The following MCTP2 variants were observed in gnomAD, a reference collection of about 807,000 sequenced individuals.
The protein encoded by MCTP2 is multiple C2 and transmembrane domain containing 2.
MCTP2 carries 132 observed loss-of-function variants against 111.6 expected under a neutral mutation model. That is an observed-to-expected ratio of 1.18 (90% CI 1.03 to 1.37). The LOEUF is 1.37. Ranked by LOEUF, MCTP2 falls within the 40% of genes most tolerant of loss-of-function variation. The pLI, the probability that MCTP2 is intolerant of heterozygous loss-of-function variation, is 0.00. For missense variants in MCTP2, 1,183 were observed against 1,067.9 expected (o/e 1.11, Z -1.50); for synonymous variants, 395 against 387.7 (o/e 1.02, Z -0.22).
rs1168641689 is a variant in MCTP2, at chr15:94,244,642, A to T, written c.-66+12978A>T. ...TACACATACATATGCACCTATGTTT[A>T]TAAACGTATATGTATACACATACAT... On this transcript the variant is annotated intron_variant, in intron 1 of 22. Coordinates refer to ENST00000357742, the MANE Select transcript of MCTP2 (RefSeq NM_001385001.1). Among the ~76,000 whole-genome samples, 4 of 148,104 alleles carry T rather than the reference A, an allele frequency of 2.7e-5. 1 individual carries two copies. Among genetic ancestry groups the T allele is most frequent in the Non-Finnish European group, 4.5e-5 (3 of 67,078 alleles).
intron 14 of MCTP2, among the ~76,000 whole-genome samples, chr15:94,387,971 T>C (rs1207966052): frequency 6.6e-6 from 1 of 152,094 alleles, no homozygotes; most frequent in African/African-American, 2.4e-5. Flanking sequence ...ATTCCAGCAA[T>C]GGCCGGGCAG....
intron 1 of MCTP2, among the ~76,000 whole-genome samples, chr15:94,242,900 T>C (rs767380250): frequency 1.3e-5 from 2 of 148,434 alleles, no homozygotes; most frequent in African/African-American, 2.5e-5. Flanking sequence ...TATATGTATA[T>C]ATATGTATAC....
intron 19 of MCTP2, among the ~76,000 whole-genome samples, chr15:94,456,315 G>A (rs1445240505): frequency 1.3e-5 from 2 of 152,122 alleles, no homozygotes; most frequent in East Asian, 3.9e-4. Flanking sequence ...CTATTTGGGT[G>A]TTTCACAGGG....
rs767710235 is a variant in MCTP2, at chr15:94,442,931, A to G, written c.2221A>G (p.Ile741Val). ...GATTTCCTTTCAGGAGAGCACAGAC[A>G]TAGATGACGAGGAGGATGAAGATGA... Reference protein sequence around the residue: ...SIQDSQESTDIDDEEDEDDKE... With the variant: ...SIQDSQESTDVDDEEDEDDKE... Residue 741 changes from isoleucine (I) to valine (V), a missense_variant, in exon 19 of 23, where the codon ATA becomes GTA. By Grantham distance (29) the Ile-to-Val change is conservative. Coordinates refer to ENST00000357742, the MANE Select transcript of MCTP2 (RefSeq NM_001385001.1). 1.2e-5 allele frequency: 20 copies of G among 1,613,576 alleles called. No individual in the cohort carries two copies. In the East Asian group the frequency reaches 3.3e-4, roughly 27 times the overall value.
In MCTP2 at chr15:94,345,114, G is replaced by A. The variant is rs1266662872; in HGVS notation, c.970-15G>A. The A allele has an allele frequency of 6.2e-7, 1 of 1,612,402 alleles. No homozygotes were observed. ...ATTTTGCCATTTTCACCATTCCGCG[G>A]ACACAAATCTTTAGCGTTGGTCAAA... On this transcript the variant is annotated splice_polypyrimidine_tract_variant and intron_variant, in intron 7 of 22. Transcript: ENST00000357742.
chr15:94,462,262 C>A (rs1327345216), intron 20 of MCTP2, among the ~76,000 whole-genome samples: 2 of 152,120 alleles, frequency 1.3e-5, no homozygotes, highest in Non-Finnish European at 2.9e-5. Context: ...CGATGTTCTT[C>A]CATATTAGTG....
At chr15:94,418,438 A>G (rs891389858) in intron 17 of MCTP2, among the ~76,000 whole-genome samples, 2 of 152,080 alleles carry the variant, frequency 1.3e-5, no homozygotes, top group South Asian at 4.1e-4. Flanking sequence ...GCTTTGAAAG[A>G]TGTATTTACC....
chr15:94,327,337 C>T lies in MCTP2; in HGVS notation c.637+11700C>T, dbSNP rs151264852. Among the ~76,000 whole-genome samples, 751 of 152,278 alleles carry T rather than the reference C, an allele frequency of 4.9e-3. 4 individuals carry two copies. Among genetic ancestry groups the T allele is most frequent in the African/African-American group, 0.017 (712 of 41,550 alleles). ...CTAACTAGGACTAAATATTTCTTTT[C>T]GTAATGATGTGACGGTCACTTTTTA... On this transcript the variant is annotated intron_variant, in intron 4 of 22. Coordinates refer to ENST00000357742, the MANE Select transcript of MCTP2 (RefSeq NM_001385001.1).
At position 94,298,640 on chromosome 15, in the gene MCTP2, C is replaced by T; in HGVS notation, c.375C>T (p.Ala125=). 2 of 1,614,082 alleles carry T rather than the reference C, an allele frequency of 1.2e-6. No homozygotes were observed. The highest frequency in any genetic ancestry group is 2.2e-5 in the South Asian group (2 of 91,084). The change falls in exon 2 of 23, where the codon GCC becomes GCT. Residue 125 remains alanine (A), a synonymous_variant. Coordinates refer to ENST00000357742, the MANE Select transcript of MCTP2 (RefSeq NM_001385001.1). ...VVETDSEEAY[A]SPAERRRVSS... ...AAACAGACTCAGAGGAGGCCTATGC[C>T]TCTCCTGCTGAGCGGAGACGGGTGT...
rs148800580 is a variant in MCTP2, at chr15:94,243,121, A to G, written c.-66+11457A>G. Among the ~76,000 whole-genome samples the G allele has an allele frequency of 1.0e-3, 146 of 145,028 alleles. 29 individuals carry two copies. Among genetic ancestry groups the G allele is most frequent in the East Asian group, 5.8e-3 (27 of 4,626 alleles). ...TATGTGTATCTACGGGTGTGTATAT[A>G]TGTATCTACGGGTGTGGATATATTT... is the stretch of plus-strand genomic sequence containing the variant. On this transcript the variant is annotated intron_variant, in intron 1 of 22. Coordinates refer to ENST00000357742, the MANE Select transcript of MCTP2 (RefSeq NM_001385001.1).
chr15:94,369,461 G>T (rs1300355625), intron 11 of MCTP2, among the ~76,000 whole-genome samples: 1 of 152,102 alleles, frequency 6.6e-6, no homozygotes, highest in African/African-American at 2.4e-5. Context: ...CCCAAATATT[G>T]CTATATGTGC....
intron 1 of MCTP2, chr15:94,293,029 ACCTT>A (rs2075101056): frequency 6.6e-6 from 1 of 152,150 alleles, no homozygotes; most frequent in African/African-American, 2.4e-5. Context: ...TAAAAAATGA[ACCTT>A]AAACTAAATA....
chr15:94,254,188 A>C (rs1164029626), intron 1 of MCTP2, among the ~76,000 whole-genome samples: 1 of 152,138 alleles, frequency 6.6e-6, no homozygotes, highest in Non-Finnish European at 1.5e-5. Flanking sequence ...CAGCCTTTGT[A>C]ATTTTCTTTA....
chr15:94,464,336 G>T (rs921614045), intron 20 of MCTP2, among the ~76,000 whole-genome samples: 2 of 34,036 alleles, frequency 5.9e-5, no homozygotes, highest in African/African-American at 3.0e-4. Context: ...AATTTTCAAA[G>T]AGTTTGTCCC....
At chr15:94,437,524 G>C (rs2083545197) in intron 17 of MCTP2, among the ~76,000 whole-genome samples, 1 of 151,872 alleles carries the variant, frequency 6.6e-6, no homozygotes, top group Non-Finnish European at 1.5e-5. Context: ...TCTGAATATA[G>C]AGAAATAATC....
intron 8 of MCTP2, among the ~76,000 whole-genome samples, chr15:94,355,362 A>G (rs769241419): frequency 2.0e-5 from 3 of 152,364 alleles, no homozygotes; most frequent in Non-Finnish European, 4.4e-5. Context: ...ACCTTTGTGT[A>G]TGTTTGAAAA....
chr15:94,304,277 A>G (rs748559157), intron 2 of MCTP2, among the ~76,000 whole-genome samples: 2 of 152,164 alleles, frequency 1.3e-5, no homozygotes, highest in Non-Finnish European at 1.5e-5. Flanking sequence ...TCCTGTCTCT[A>G]CTAAAAATAT....
rs2152326193 is a variant in MCTP2, at chr15:94,291,643, C to T, written c.-65-6558C>T. ...AAAGTGAAAATAAAACATAATTTTA[C>T]ATAAGACATGACCCAAAGAGGAAGT... On this transcript the variant is annotated intron_variant, in intron 1 of 22. Transcript: ENST00000357742. Among the ~76,000 whole-genome samples the T allele has an allele frequency of 2.0e-5, 3 of 151,544 alleles. No homozygotes were observed. The East Asian group carries it at 5.8e-4, about 29-fold the overall frequency.
chr15:94,430,868 C>G (rs1278667995), intron 17 of MCTP2, among the ~76,000 whole-genome samples: 1 of 152,202 alleles, frequency 6.6e-6, no homozygotes, highest in Admixed American at 6.5e-5. Flanking sequence ...ATACCCACAC[C>G]TCCTCCAAAG....
Sources: gnomAD v4.1 joint callset for allele counts (sites outside exome capture counted in the v4.1 genomes callset) on GRCh38, gnomAD v4.1.1 for gene constraint, MANE v1.5 for transcripts, NCBI Gene and HGNC (gene_info 2026-07-23, HGNC 2026-07-21) for gene names.